DSCAM: variants seen among roughly 807,000 people sequenced by gnomAD.
DSCAM encodes cell adhesion molecule DSCAM.
A neutral mutation model predicts 217.7 loss-of-function variants in DSCAM; 47 were observed. That is an observed-to-expected ratio of 0.22 (90% CI 0.17 to 0.28). The LOEUF is 0.28. Ranked by LOEUF, DSCAM falls within the 10% of genes least tolerant of loss-of-function variation. The pLI, the probability that DSCAM is intolerant of heterozygous loss-of-function variation, is 1.00. For missense variants in DSCAM, 2,080 were observed against 2,618.3 expected (o/e 0.79, Z 4.49); for synonymous variants, 1,056 against 1,015.3 (o/e 1.04, Z -0.76).
At chr21:40,017,103 CA>C (rs372118440) in intron 32 of DSCAM, among the ~76,000 whole-genome samples, 3,616 of 86,104 alleles carry the variant, frequency 0.042, 89 homozygotes, top group African/African-American at 0.099. Context: ...AACTCCATCT[CA>C]AAAAAAAAAA....
At chr21:40,726,549 G>GA (rs34709502) in intron 1 of DSCAM, among the ~76,000 whole-genome samples, 54,620 of 148,054 alleles carry the variant, frequency 0.37, 12,459 homozygotes, top group African/African-American at 0.66. Flanking sequence ...GCTTTAACAG[G>GA]AAAAAAAAAA....
intron 11 of DSCAM, among the ~76,000 whole-genome samples, chr21:40,197,607 A>C (rs936454050): frequency 6.6e-6 from 1 of 152,198 alleles, no homozygotes; most frequent in Non-Finnish European, 1.5e-5. Context: ...TAAAGTGATG[A>C]ATCTTTCCCA....
chr21:40,109,082 T>C (rs1327048206), intron 20 of DSCAM, among the ~76,000 whole-genome samples: 6 of 152,156 alleles, frequency 3.9e-5, no homozygotes, highest in Admixed American at 1.3e-4. Context: ...ATTCAGGACA[T>C]AGGCATGGGC....
chr21:40,298,037 G>A (rs7281323), intron 9 of DSCAM, among the ~76,000 whole-genome samples: 13,179 of 151,312 alleles, frequency 0.087, 837 homozygotes, highest in African/African-American at 0.18. Context: ...ATTAACTGCT[G>A]TAAGAGTGTT....
chr21:40,162,050 G>T (rs2090546336), intron 16 of DSCAM, among the ~76,000 whole-genome samples: 1 of 152,136 alleles, frequency 6.6e-6, no homozygotes. Flanking sequence ...AGTTTGCAAG[G>T]AATAGTAAAG....
In DSCAM at chr21:40,674,848, G is replaced by A. The variant is rs551619620; in HGVS notation, c.508+17962C>T. Reference sequence around the variant, plus strand: ...GGGTTTCACCGTGTTAGCCAGGATGGTCTTGACCTCCTGATCCACCCGCCT... The same window carrying A: ...GGGTTTCACCGTGTTAGCCAGGATGATCTTGACCTCCTGATCCACCCGCCT... On this transcript the variant is annotated intron_variant, in intron 3 of 32. Coordinates refer to ENST00000400454, the MANE Select transcript of DSCAM (RefSeq NM_001389.5). Among the ~76,000 whole-genome samples, 6 of 152,042 alleles carry A rather than the reference G, an allele frequency of 3.9e-5. No individual in the cohort carries two copies. In the Middle Eastern group the frequency reaches 0.01, roughly 260 times the overall value.
rs779977918 is a variant in DSCAM, at chr21:40,178,896, C to G, written c.2947+31G>C. Reference sequence around the variant, plus strand: ...CTCAAGAGTTAGCTCCCGGGCTCCTCTGGAGCAAGGTTCCGCCCGGTCCCA... The same window carrying G: ...CTCAAGAGTTAGCTCCCGGGCTCCTGTGGAGCAAGGTTCCGCCCGGTCCCA... On this transcript the variant is annotated intron_variant, in intron 15 of 32. Coordinates refer to ENST00000400454, the MANE Select transcript of DSCAM (RefSeq NM_001389.5). The G allele has an allele frequency of 3.7e-6, 6 of 1,611,928 alleles. No homozygotes were observed. In the East Asian group the frequency reaches 6.7e-5, roughly 18 times the overall value.
chr21:40,717,768 G>A (rs556920383), intron 1 of DSCAM, among the ~76,000 whole-genome samples: 1 of 152,322 alleles, frequency 6.6e-6, no homozygotes, highest in Non-Finnish European at 1.5e-5. Flanking sequence ...CCACTAAACT[G>A]TATGCTTTAA....
chr21:40,060,502 GGGA>G (rs960412002), intron 28 of DSCAM, among the ~76,000 whole-genome samples: 2 of 152,020 alleles, frequency 1.3e-5, no homozygotes, highest in African/African-American at 2.4e-5. Flanking sequence ...CACAGTTGAG[GGGA>G]GGAGAAGCTC....
chr21:40,470,984 A>G (rs2075883589), intron 3 of DSCAM, among the ~76,000 whole-genome samples: 1 of 152,094 alleles, frequency 6.6e-6, no homozygotes, highest in African/African-American at 2.4e-5. Flanking sequence ...CATTACAGAC[A>G]TTTTCACGGT....
At chr21:40,557,089 T>C (rs924558852) in intron 3 of DSCAM, among the ~76,000 whole-genome samples, 8 of 152,064 alleles carry the variant, frequency 5.3e-5, no homozygotes, top group Admixed American at 5.2e-4. Flanking sequence ...TTCAAACCCA[T>C]GTTGTTGAAG....
At chr21:40,068,331 T>C (rs1439004454) in intron 27 of DSCAM, among the ~76,000 whole-genome samples, 1 of 152,006 alleles carries the variant, frequency 6.6e-6, no homozygotes, top group African/African-American at 2.4e-5. Flanking sequence ...AGAGGTAGTG[T>C]AGCTGAGGAC....
intron 32 of DSCAM, among the ~76,000 whole-genome samples, chr21:40,028,960 G>A (rs1029257696): frequency 2.0e-5 from 3 of 152,170 alleles, no homozygotes; most frequent in African/African-American, 7.2e-5. Flanking sequence ...TTATCTAGCT[G>A]TAATTTTAAT....
chr21:40,427,918 T>C (rs998876028), intron 3 of DSCAM, among the ~76,000 whole-genome samples: 1 of 152,138 alleles, frequency 6.6e-6, no homozygotes, highest in Admixed American at 6.5e-5. Context: ...TTAAAGGGAA[T>C]TTCCCAAATG....
intron 2 of DSCAM, among the ~76,000 whole-genome samples, chr21:40,695,366 CT>C (rs1400222529): frequency 6.6e-6 from 1 of 152,132 alleles, no homozygotes; most frequent in Non-Finnish European, 1.5e-5. Context: ...TAGGAAACCC[CT>C]CAGTCCCAGC....
intron 11 of DSCAM, among the ~76,000 whole-genome samples, chr21:40,208,391 C>G (rs141300438): frequency 6.6e-6 from 1 of 152,222 alleles, no homozygotes; most frequent in Non-Finnish European, 1.5e-5. Context: ...GAAGCAGACA[C>G]TGCAGTGAGC....
chr21:40,313,120 T>TA (rs531764117), intron 8 of DSCAM, among the ~76,000 whole-genome samples: 6,633 of 135,122 alleles, frequency 0.049, 350 homozygotes, highest in East Asian at 0.25. Flanking sequence ...TCTAAAAAAC[T>TA]AAAAAAAAAA....
intron 3 of DSCAM, among the ~76,000 whole-genome samples, chr21:40,673,007 G>T (rs2090295708): frequency 6.6e-6 from 1 of 152,126 alleles, no homozygotes; most frequent in Non-Finnish European, 1.5e-5. Context: ...TCAACAGTTT[G>T]CCATTATCCC....
chr21:40,369,045 G>C, intron 4 of DSCAM, 54 bp downstream of exon 4: 1 of 1,522,866 alleles, frequency 6.6e-7, no homozygotes, highest in South Asian at 1.4e-5. Context: ...GTCGTCTCAG[G>C]ACACTAACAA....
Sources: gnomAD v4.1 joint callset for allele counts (sites outside exome capture counted in the v4.1 genomes callset) on GRCh38, gnomAD v4.1.1 for gene constraint, MANE v1.5 for transcripts, NCBI Gene and HGNC (gene_info 2026-07-23, HGNC 2026-07-21) for gene names.